The following EXTL1 variants were observed in gnomAD, a reference collection of about 807,000 sequenced individuals.
The protein encoded by EXTL1 is exostosin like glycosyltransferase 1, also known as exostosin-like 1.
A neutral mutation model predicts 64.6 loss-of-function variants in EXTL1; 43 were observed. The observed-to-expected ratio is 0.67, with a 90% CI of 0.52 to 0.86. The LOEUF is 0.86. Ranked by LOEUF, EXTL1 falls within the 40% of genes least tolerant of loss-of-function variation. The probability of loss-of-function intolerance (pLI) is 0.00; values close to 1 mark genes in which losing one functional copy is unlikely to be tolerated. For synonymous variants in EXTL1, 352 were observed against 360.5 expected, an observed-to-expected ratio of 0.98 and a Z score of 0.27; for missense variants, 766 against 879.0, an observed-to-expected ratio of 0.87 and a Z score of 1.62.
At chr1:26,031,367 AT>A in intron 5 of EXTL1, 92 bp from the exon 6 acceptor site, 1 of 1,458,310 alleles carries the variant, frequency 6.9e-7, no homozygotes, top group Non-Finnish European at 9.3e-7. Flanking sequence ...AAGCCCTAAC[AT>A]TTTTCCTGGC....
At chr1:26,032,170 A>G (rs2050294077) in intron 6 of EXTL1, 1 of 503,358 alleles carries the variant, frequency 2.0e-6, no homozygotes, top group Non-Finnish European at 3.5e-6. Flanking sequence ...TTCTGAAGCC[A>G]CAGGTCACTA....
Position 26,034,710 on chromosome 1 carries a change from T to C in EXTL1, c.1680-126T>C. ...GTTCACGCCAGGGATGGGAGCTCTCTGAGGCAGCCAGGGCTCAGAGGCTTG... is the reference window on the plus strand; with the variant it reads ...GTTCACGCCAGGGATGGGAGCTCTCCGAGGCAGCCAGGGCTCAGAGGCTTG... On this transcript the variant is annotated intron_variant, in intron 9 of 10. Coordinates refer to ENST00000374280, the MANE Select transcript of EXTL1 (RefSeq NM_004455.3). This position sits in a 1 kb window ranked among gnomAD's most constrained non-coding sequence, Gnocchi z 4.6. The C allele has an allele frequency of 1.1e-6, 1 of 937,458 alleles. No homozygotes were observed. The allele number at this position is 937,458 out of a possible 1,614,324, so 58.1% of individuals were successfully genotyped here. A position where few individuals can be genotyped will look rare whatever the true frequency, so the allele number is the denominator to read the frequency against.
intron 1 of EXTL1, 32 bp from the exon 2 acceptor site, chr1:26,029,161 G>A: frequency 1.3e-6 from 2 of 1,549,138 alleles, no homozygotes; most frequent in Non-Finnish European, 1.8e-6. Context: ...CCAGGCTCAT[G>A]TGTGGTGGGA....
At position 26,033,206 on chromosome 1, in the gene EXTL1, T is replaced by A. The variant is rs942310532; in HGVS notation, c.1432-23T>A. 6 of 1,553,448 alleles carry A rather than the reference T, an allele frequency of 3.9e-6. No individual in the cohort carries two copies. Among genetic ancestry groups the A allele is most frequent in the Non-Finnish European group, 5.3e-6 (6 of 1,124,920 alleles). ...TGGGGGGAATGTTCCAATGGCTGAG[T>A]TCCCCTCCCCCACTCCCTGCAGGTT... On this transcript the variant is annotated intron_variant, in intron 7 of 10. Coordinates refer to ENST00000374280, the MANE Select transcript of EXTL1 (RefSeq NM_004455.3). The surrounding 1 kb of genome is among the most constrained non-coding windows in gnomAD (Gnocchi z 5.1).
At chr1:26,031,024 C>T in intron 4 of EXTL1, 108 bp from the exon 5 acceptor site, 1 of 1,405,280 alleles carries the variant, frequency 7.1e-7, no homozygotes, top group Admixed American at 1.9e-5. Context: ...CAGCTTCTGA[C>T]CCCAGGGGTC....
At chr1:26,027,693 A>AAAAAAAAAAAAAAAAAAAG (rs1553141858) in intron 1 of EXTL1, among the ~76,000 whole-genome samples, 11,791 of 130,470 alleles carry the variant, frequency 0.09, 775 homozygotes, top group Non-Finnish European at 0.12. Flanking sequence ...CATCTCTAAA[A>AAAAAAAAAAAAAAAAAAAG]AAAAAAAAAA....
At position 26,025,097 on chromosome 1, in the gene EXTL1, G is replaced by A. The variant is rs3008207; in HGVS notation, c.779+1672G>A. Among the ~76,000 whole-genome samples, 3,012 of 152,284 alleles carry A rather than the reference G, an allele frequency of 0.02. 102 individuals carry two copies. The highest frequency in any genetic ancestry group is 0.068 in the African/African-American group (2,825 of 41,538). On this transcript the variant is annotated intron_variant, in intron 1 of 10. Coordinates refer to ENST00000374280, the MANE Select transcript of EXTL1 (RefSeq NM_004455.3). The surrounding 1 kb of genome is among the most constrained non-coding windows in gnomAD (Gnocchi z 5.3). The stretch of plus-strand genomic sequence containing the variant: ...CCTTCAAGTTTTGTCTTTGGCCTCC[G>A]CCTCCCTGAAGGTGACAGGACTTGT...
chr1:26,030,690 C>G lies in EXTL1; in HGVS notation c.1101+95C>G. ...TCTCTGCCACAGTGTTTGGGGAACC[C>G]CCCCCCCTTCCTTGAAGATGGTCCT... On this transcript the variant is annotated intron_variant, in intron 4 of 10. Coordinates refer to ENST00000374280, the MANE Select transcript of EXTL1 (RefSeq NM_004455.3). The G allele has an allele frequency of 1.3e-5, 18 of 1,359,728 alleles. No individual in the cohort carries two copies. The South Asian group carries it at 1.7e-4, about 13-fold the overall frequency. 84.2% of individuals were successfully genotyped at this position (1,359,728 alleles called of 1,614,324 possible).
In EXTL1 at chr1:26,022,382, A is replaced by C. The variant is rs2050159513; in HGVS notation, c.-265A>C. ...GGGAAAAGGCTGGCTTGGTTGTCCA[A>C]AGGCCGAGAAGGCAGAGTCCTGAGA... On this transcript the variant is annotated 5_prime_UTR_variant, in exon 1 of 11. Coordinates refer to ENST00000374280, the MANE Select transcript of EXTL1 (RefSeq NM_004455.3). The C allele has an allele frequency of 2.3e-6, 1 of 426,108 alleles. No homozygotes were observed. Among genetic ancestry groups the C allele is most frequent in the African/African-American group, 2.0e-5 (1 of 48,842 alleles). 26.4% of individuals were successfully genotyped at this position (426,108 alleles called of 1,614,324 possible). A position where few individuals can be genotyped will look rare whatever the true frequency, so the allele number is the denominator to read the frequency against.
chr1:26,022,957 T>A lies in EXTL1; in HGVS notation c.311T>A (p.Val104Asp), dbSNP rs767324393. ...DGLKVFVYPA[V>D]GTISETHRRI... ...CTTAAGGTATTCGTGTACCCAGCGGTTGGAACCATCTCTGAGACTCATCGC... is the reference window on the plus strand; with the variant it reads ...CTTAAGGTATTCGTGTACCCAGCGGATGGAACCATCTCTGAGACTCATCGC... The change falls in exon 1 of 11, where the codon GTT becomes GAT. Residue 104 changes from valine (V) to aspartate (D), a missense_variant. Val to Asp is a radical substitution (Grantham distance 152). This residue lies in a region of EXTL1 where 571 missense variants were observed against 647.6 expected (regional missense o/e 0.88). Transcript: ENST00000374280. 3 of 1,614,020 alleles carry A rather than the reference T, an allele frequency of 1.9e-6. No individual in the cohort carries two copies. The South Asian group carries it at 3.3e-5, about 18-fold the overall frequency.
In EXTL1 at chr1:26,035,416, G is replaced by A. The variant is rs1453863166; in HGVS notation, c.*69G>A. ...CCCAGGGGGCCCGGCGCCTGCCGGC[G>A]GGCTCCGCTCTTGGGACACCGGAGA... is the stretch of plus-strand genomic sequence containing the variant. On this transcript the variant is annotated 3_prime_UTR_variant, in exon 11 of 11. Coordinates refer to ENST00000374280, the MANE Select transcript of EXTL1 (RefSeq NM_004455.3). The surrounding 1 kb of genome is among the most constrained non-coding windows in gnomAD (Gnocchi z 5.3). The A allele has an allele frequency of 4.2e-6, 6 of 1,438,682 alleles. No individual in the cohort carries two copies. Among genetic ancestry groups the A allele is most frequent in the Middle Eastern group, 2.6e-4 (1 of 3,884 alleles). 89.1% of individuals were successfully genotyped at this position (1,438,682 alleles called of 1,614,324 possible). A position where few individuals can be genotyped will look rare whatever the true frequency, so the allele number is the denominator to read the frequency against.
chr1:26,035,507 T>G lies in EXTL1; in HGVS notation c.*160T>G, dbSNP rs1007709849. The G allele has an allele frequency of 7.1e-6, 4 of 566,262 alleles. No homozygotes were observed. In the South Asian group the frequency reaches 1.3e-4, roughly 18 times the overall value. The allele number at this position is 566,262 out of a possible 1,614,324, so 35.1% of individuals were successfully genotyped here. The stretch of plus-strand genomic sequence containing the variant: ...GTTGGCCAATCACAACAGGGGGGCG[T>G]GGCCTTACCTTCTCCTGCTCGCCCT... On this transcript the variant is annotated 3_prime_UTR_variant, in exon 11 of 11. Transcript: ENST00000374280. The surrounding 1 kb of genome is among the most constrained non-coding windows in gnomAD (Gnocchi z 5.3).
At chr1:26,029,738 A>T (rs1412247958) in intron 3 of EXTL1, 31 bp downstream of exon 3, 4 of 1,461,666 alleles carry the variant, frequency 2.7e-6, no homozygotes, top group Non-Finnish European at 3.8e-6. Context: ...CAGGGTGGGA[A>T]CTGGACCCAG....
chr1:26,030,514 C>G lies in EXTL1; in HGVS notation c.1020C>G (p.Val340=). Residue 340 remains valine (V), a synonymous_variant, in exon 4 of 11, where the codon GTC becomes GTG. Transcript: ENST00000374280. ...AALQEMSPAR[V]LALRQQTQFL... ...TCCAGGAGATGTCCCCTGCACGGGT[C>G]CTCGCCCTGCGTCAGCAGACCCAGT... 6.2e-7 allele frequency: 1 copy of G among 1,613,398 alleles called. No homozygotes were observed. Among genetic ancestry groups the G allele is most frequent in the East Asian group, 2.2e-5 (1 of 44,868 alleles).
intron 1 of EXTL1, among the ~76,000 whole-genome samples, chr1:26,024,157 C>T (rs939101978): frequency 5.9e-5 from 9 of 152,142 alleles, no homozygotes; most frequent in Admixed American, 3.3e-4. Context: ...TGAGCTTGTA[C>T]AGAAACTCTT....
chr1:26,029,316 C>A, intron 2 of EXTL1, 30 bp downstream of exon 2: 1 of 1,562,836 alleles, frequency 6.4e-7, no homozygotes, highest in Non-Finnish European at 8.8e-7. Context: ...ATCACCCATC[C>A]TCTGTCCCCC....
Position 26,032,540 on chromosome 1 carries a change from G to A in EXTL1, c.1431+55G>A, listed in dbSNP as rs1233725643. The stretch of plus-strand genomic sequence containing the variant: ...TGGGCCCATGCTGGGAGCTGGGGGA[G>A]GGCACCCATGGGGTGTTTTATGAAT... On this transcript the variant is annotated intron_variant, in intron 7 of 10. Coordinates refer to ENST00000374280, the MANE Select transcript of EXTL1 (RefSeq NM_004455.3). 3.7e-6 allele frequency: 5 copies of A among 1,352,566 alleles called. No homozygotes were observed. The East Asian group carries it at 1.3e-4, about 34-fold the overall frequency. 83.8% of individuals were successfully genotyped at this position (1,352,566 alleles called of 1,614,324 possible).
At position 26,029,579 on chromosome 1, in the gene EXTL1, A is replaced by C. The variant is rs770304587; in HGVS notation, c.874-21A>C. On this transcript the variant is annotated intron_variant, in intron 2 of 10. Transcript: ENST00000374280. ...TGTGCAGGGTGGGGCTGGGCTCCCCAGTGACCTCCCCGCCCCCCAGGCCGG... is the reference window on the plus strand; with the variant it reads ...TGTGCAGGGTGGGGCTGGGCTCCCCCGTGACCTCCCCGCCCCCCAGGCCGG... 5 of 1,482,396 alleles carry C rather than the reference A, an allele frequency of 3.4e-6. No individual in the cohort carries two copies. In the South Asian group the frequency reaches 5.9e-5, roughly 17 times the overall value. 91.8% of individuals were successfully genotyped at this position (1,482,396 alleles called of 1,614,324 possible). A position where few individuals can be genotyped will look rare whatever the true frequency, so the allele number is the denominator to read the frequency against.
chr1:26,033,914 C>T lies in EXTL1; in HGVS notation c.1679+58C>T. On this transcript the variant is annotated intron_variant, in intron 9 of 10. Transcript: ENST00000374280. This position sits in a 1 kb window ranked among gnomAD's most constrained non-coding sequence, Gnocchi z 5.1. ...TATCAGAGGACCAGAGACCCCACCC[C>T]CACCCCGAACGGAGCAGAGTGGCCT... 2 of 1,511,968 alleles carry T rather than the reference C, an allele frequency of 1.3e-6. No homozygotes were observed. The highest frequency in any genetic ancestry group is 1.3e-5 in the South Asian group (1 of 78,956). The allele number at this position is 1,511,968 out of a possible 1,614,324, so 93.7% of individuals were successfully genotyped here.
Sources: allele counts gnomAD v4.1 joint callset (sites outside exome capture counted in the v4.1 genomes callset), GRCh38; gene constraint gnomAD v4.1.1; regional missense constraint gnomAD v4.1.1; non-coding constraint Gnocchi (gnomAD v3.1); transcripts MANE v1.5; gene names NCBI Gene and HGNC (gene_info 2026-07-23, HGNC 2026-07-21).